MUC21: variants seen among roughly 807,000 people sequenced by gnomAD.
The protein encoded by MUC21 is mucin 21, cell surface associated, also known as mucin-21.
MUC21 carries 8 observed loss-of-function variants against 9.1 expected under a neutral mutation model. That is an observed-to-expected ratio of 0.88 (90% CI 0.52 to 1.59). MUC21 has a LOEUF of 1.59. Ranked by LOEUF, MUC21 falls within the 40% of genes most tolerant of loss-of-function variation. MUC21 has a pLI of 0.00. For synonymous variants in MUC21, 189 were observed against 275.2 expected (o/e 0.69, Z 3.10); for missense variants, 478 against 694.2 (o/e 0.69, Z 3.50).
intron 1 of MUC21, among the ~76,000 whole-genome samples, chr6:30,984,847 T>C (rs1762180828): frequency 6.6e-6 from 1 of 150,968 alleles, no homozygotes. Flanking sequence ...GGGTGGCTTA[T>C]GCCTGTAATC....
In MUC21 at chr6:30,986,864, C is replaced by T. The variant is rs1762327746; in HGVS notation, c.689C>T (p.Ser230Phe). The T allele has an allele frequency of 1.3e-6, 2 of 1,589,978 alleles. No individual in the cohort carries two copies. The highest frequency in any genetic ancestry group is 1.7e-5 in the Admixed American group (1 of 58,122). Reference sequence around the variant, plus strand: ...GCTGGCACAGCCACCAACTCTGAGTCCAGCACGACCTCCAGTGGGGCCAGC... The same window carrying T: ...GCTGGCACAGCCACCAACTCTGAGTTCAGCACGACCTCCAGTGGGGCCAGC... Reference protein sequence around the residue: ...NGAGTATNSESSTTSSGASTA... With the variant: ...NGAGTATNSEFSTTSSGASTA... Residue 230 changes from serine to phenylalanine, a missense_variant, in exon 2 of 3, where the codon TCC becomes TTC. Physicochemically the swap from Ser to Phe is radical, Grantham distance 155. Coordinates refer to ENST00000376296, the MANE Select transcript of MUC21 (RefSeq NM_001010909.5).
Position 30,987,427 on chromosome 6 carries a change from A to AAT in MUC21, c.1252_1253insAT (p.Ser418AsnfsTer26). The AAT allele has an allele frequency of 6.3e-7, 1 of 1,599,114 alleles. No homozygotes were observed. Among genetic ancestry groups the AAT allele is most frequent in the African/African-American group, 1.3e-5 (1 of 74,164 alleles). The stretch of plus-strand genomic sequence containing the variant: ...GTCCAGCACAGTGTCCAGTGGGGCC[A>AAT]GCACTGCCACCAATTCTGAGTCCAG... On this transcript the variant is annotated frameshift_variant, in exon 2 of 3. Transcript: ENST00000376296. LOFTEE classifies it high-confidence loss of function.
At chr6:30,986,008 G>T (rs1343688406) in intron 1 of MUC21, among the ~76,000 whole-genome samples, 2 of 152,034 alleles carry the variant, frequency 1.3e-5, no homozygotes, top group African/African-American at 2.4e-5. Flanking sequence ...CAGGTGATCC[G>T]CCCACCTTGG....
intron 1 of MUC21, among the ~76,000 whole-genome samples, chr6:30,985,952 A>G (rs1436554436): frequency 6.6e-6 from 1 of 152,048 alleles, no homozygotes; most frequent in East Asian, 1.9e-4. Flanking sequence ...TTTAGTAGAG[A>G]TGGGGTTTCT....
Position 30,986,912 on chromosome 6 carries a change from G to T in MUC21, c.737G>T (p.Ser246Ile). 1 of 1,566,718 alleles carries T rather than the reference G, an allele frequency of 6.4e-7. No homozygotes were observed. The highest frequency in any genetic ancestry group is 1.2e-5 in the South Asian group (1 of 86,898). ...AGCACAGCCACCAACTCTGAGTCCA[G>T]CACACCCTCCAGTGGGGCCGGCACA... ...GASTATNSES[S>I]TPSSGAGTAT... Residue 246 changes from serine (S) to isoleucine (I), a missense_variant, in exon 2 of 3, where the codon AGC becomes ATC. Ser to Ile is a moderately radical substitution (Grantham distance 142, BLOSUM62 -2). Coordinates refer to ENST00000376296, the MANE Select transcript of MUC21 (RefSeq NM_001010909.5).
Position 30,987,581 on chromosome 6 carries a change from C to G in MUC21, c.1406C>G (p.Ala469Gly), listed in dbSNP as rs754221075. The change falls in exon 2 of 3, where the codon GCG becomes GGG. Residue 469 changes from alanine to glycine, a missense_variant. Physicochemically the swap from Ala to Gly is moderately conservative, Grantham distance 60 (BLOSUM62 0). Transcript: ENST00000376296. Reference protein sequence around the residue: ...SHSASTAVSEAKPGGSLVPWE... With the variant: ...SHSASTAVSEGKPGGSLVPWE... ...AGTGCATCTACTGCAGTGAGTGAGGCGAAGCCTGGTGGGTCCCTGGTGCCG... is the reference window on the plus strand; with the variant it reads ...AGTGCATCTACTGCAGTGAGTGAGGGGAAGCCTGGTGGGTCCCTGGTGCCG... The G allele has an allele frequency of 6.2e-7, 1 of 1,614,238 alleles. No individual in the cohort carries two copies. The highest frequency in any genetic ancestry group is 1.1e-5 in the South Asian group (1 of 91,086).
Position 30,989,476 on chromosome 6 carries a change from G to T in MUC21, c.*1282G>T, listed in dbSNP as rs1300658590. On this transcript the variant is annotated 3_prime_UTR_variant, in exon 3 of 3. Coordinates refer to ENST00000376296, the MANE Select transcript of MUC21 (RefSeq NM_001010909.5). ...ACAGTTTCGTGTGCCACCATGCCTGGCTAATTTTTAGAATTTTTTGTAGGG... is the reference window on the plus strand; with the variant it reads ...ACAGTTTCGTGTGCCACCATGCCTGTCTAATTTTTAGAATTTTTTGTAGGG... 6.6e-6 allele frequency: 1 copy of T among 152,080 alleles called. No homozygotes were observed. The highest frequency in any genetic ancestry group is 1.5e-5 in the Non-Finnish European group (1 of 68,042). 9.4% of individuals were successfully genotyped at this position (152,080 alleles called of 1,614,324 possible).
Position 30,986,590 on chromosome 6 carries a change from G to A in MUC21, c.415G>A (p.Asp139Asn), listed in dbSNP as rs372906201. 1.3e-5 allele frequency: 21 copies of A among 1,574,516 alleles called. No individual in the cohort carries two copies. Among genetic ancestry groups the A allele is most frequent in the Non-Finnish European group, 1.6e-5 (19 of 1,158,110 alleles). The change falls in exon 2 of 3, where the codon GAC becomes AAC. Residue 139 changes from aspartate to asparagine, a missense_variant. Asp to Asn is a conservative substitution (Grantham distance 23). Around this residue, in one of 5 missense-constraint regions of MUC21, gnomAD observed 53 missense variants for 139.1 expected, o/e 0.38. Transcript: ENST00000376296. ...TGGGGCCAGCACAGCCACCAACTCT[G>A]ACTCCAGCACAACCTCCAGTGGGGC... Reference protein sequence around the residue: ...SSGASTATNSDSSTTSSGAST... With the variant: ...SSGASTATNSNSSTTSSGAST...
chr6:30,986,770 G>C lies in MUC21; in HGVS notation c.595G>C (p.Glu199Gln). The C allele has an allele frequency of 6.2e-7, 1 of 1,601,574 alleles. No homozygotes were observed. Among genetic ancestry groups the C allele is most frequent in the Non-Finnish European group, 8.5e-7 (1 of 1,173,482 alleles). The change falls in exon 2 of 3, where the codon GAG becomes CAG. Residue 199 changes from glutamate to glutamine, a missense_variant. Coordinates refer to ENST00000376296, the MANE Select transcript of MUC21 (RefSeq NM_001010909.5). ...TAGGGCCAGCACTGCCACCAACTCT[G>C]AGTCCAGCACAACCTCCAGTGGGGC... ...SSRASTATNS[E>Q]SSTTSSGAST... is the part of the protein sequence containing the mutation.
rs779975479 is a variant in MUC21 at position 30,987,242 on chromosome 6, G to A, written c.1067G>A (p.Gly356Glu). Residue 356 changes from glycine (G) to glutamate (E), a missense_variant, in exon 2 of 3, where the codon GGG (glycine) becomes GAG (glutamate). By Grantham distance (98) the Gly-to-Glu change is moderately conservative. This residue lies in a region of MUC21 where 155 missense variants were observed against 235.2 expected (regional missense o/e 0.66). Transcript: ENST00000376296. ...TNSESSTTSSGASTATNSGSS... is the reference protein window; with the variant it reads ...TNSESSTTSSEASTATNSGSS... ...TCTGAGTCCAGCACAACCTCCAGTGGGGCCAGCACAGCCACCAACTCTGGG... is the reference window on the plus strand; with the variant it reads ...TCTGAGTCCAGCACAACCTCCAGTGAGGCCAGCACAGCCACCAACTCTGGG... 4 of 1,587,654 alleles carry A rather than the reference G, an allele frequency of 2.5e-6. No individual in the cohort carries two copies. The highest frequency in any genetic ancestry group is 2.3e-5 in the East Asian group (1 of 43,718).
Position 30,988,791 on chromosome 6 carries a change from G to C in MUC21, c.*597G>C, listed in dbSNP as rs1159964717. The stretch of plus-strand genomic sequence containing the variant: ...ACTACCTGCTCTGTGTGTGGGGGGG[G>C]AGGGGGGAGGGGGGTACGCATATTC... On this transcript the variant is annotated 3_prime_UTR_variant, in exon 3 of 3. Coordinates refer to ENST00000376296, the MANE Select transcript of MUC21 (RefSeq NM_001010909.5). 1 of 137,744 alleles carries C rather than the reference G, an allele frequency of 7.3e-6. No individual in the cohort carries two copies. Among genetic ancestry groups the C allele is most frequent in the Non-Finnish European group, 1.6e-5 (1 of 63,756 alleles). The allele number at this position is 137,744 out of a possible 1,614,324, so 8.5% of individuals were successfully genotyped here. A position where few individuals can be genotyped will look rare whatever the true frequency, so the allele number is the denominator to read the frequency against.
rs2394435 is a variant in MUC21, at chr6:30,984,717, G to C, written c.61+698G>C. Among the ~76,000 whole-genome samples the C allele has an allele frequency of 2.2e-3, 333 of 152,086 alleles. 4 individuals carry two copies. Among genetic ancestry groups the C allele is most frequent in the Middle Eastern group, 0.01 (3 of 294 alleles). On this transcript the variant is annotated intron_variant, in intron 1 of 2. Transcript: ENST00000376296. ...AGGCCAGGCTCAGTGGCTCACGCCT[G>C]TAATCTCAGCACTTTGGGAGGCCAA...
At chr6:30,986,044 C>T (rs1293006178) in intron 1 of MUC21, among the ~76,000 whole-genome samples, 193 bp from the exon 2 acceptor site, 2 of 152,140 alleles carry the variant, frequency 1.3e-5, no homozygotes, top group Admixed American at 6.5e-5. Flanking sequence ...GGATTACAGG[C>T]GTGAGCCACC....
chr6:30,987,096 G>A lies in MUC21; in HGVS notation c.921G>A (p.Thr307=), dbSNP rs1625781. ...ANTATNSESS[T]TSSGANTATN... is the part of the protein sequence containing the mutation. ...CAGCCACCAACTCTGAGTCCAGTAC[G>A]ACCTCCAGTGGGGCCAACACAGCCA... Residue 307 remains threonine, a synonymous_variant, in exon 2 of 3, where the codon ACG becomes ACA. Transcript: ENST00000376296. 370,099 of 1,490,378 alleles carry A rather than the reference G, an allele frequency of 0.25. 51,809 individuals are homozygous for A. The highest frequency in any genetic ancestry group is 0.27 in the Non-Finnish European group (303,782 of 1,109,344). 92.3% of individuals were successfully genotyped at this position (1,490,378 alleles called of 1,614,324 possible).
chr6:30,988,140 G>A lies in MUC21; in HGVS notation c.1647G>A (p.Arg549=), dbSNP rs1301607742. The A allele has an allele frequency of 2.9e-5, 46 of 1,612,846 alleles. No individual in the cohort carries two copies. The highest frequency in any genetic ancestry group is 3.7e-5 in the Non-Finnish European group (44 of 1,180,044). Residue 549 remains arginine, a synonymous_variant, in exon 3 of 3, where the codon AGG becomes AGA. Coordinates refer to ENST00000376296, the MANE Select transcript of MUC21 (RefSeq NM_001010909.5). Reference sequence around the variant, plus strand: ...GGTGGAGTCCTAACTGGTTCTGGAGGAGACCAGTATCCTCGATAGCCATGG... The same window carrying A: ...GGTGGAGTCCTAACTGGTTCTGGAGAAGACCAGTATCCTCGATAGCCATGG... ...RPRWSPNWFW[R]RPVSSIAMEM...
chr6:30,983,962 A>G lies in MUC21; in HGVS notation c.4A>G (p.Lys2Glu), dbSNP rs143783304. The G allele has an allele frequency of 2.2e-4, 171 of 779,832 alleles. No individual in the cohort carries two copies. The African/African-American group carries it at 2.4e-3, about 11-fold the overall frequency. 48.3% of individuals were successfully genotyped at this position (779,832 alleles called of 1,614,324 possible). A position where few individuals can be genotyped will look rare whatever the true frequency, so the allele number is the denominator to read the frequency against. Residue 2 changes from lysine (K) to glutamate (E), a missense_variant, in exon 1 of 3, where the codon AAG becomes GAG. Transcript: ENST00000376296. ...CTTTCCAGCCACAAAGAGACAGATGAAGATGCAGAAAGGAAATGTTCTCCT... is the reference window on the plus strand; with the variant it reads ...CTTTCCAGCCACAAAGAGACAGATGGAGATGCAGAAAGGAAATGTTCTCCT... MKMQKGNVLLMF... is the reference protein window; with the variant it reads MEMQKGNVLLMF...
chr6:30,987,733 C>T, intron 2 of MUC21, 52 bp downstream of exon 2: 1 of 1,587,622 alleles, frequency 6.3e-7, no homozygotes, highest in Non-Finnish European at 8.5e-7. Context: ...AGCAGAAACA[C>T]AAGGAAATGG....
intron 1 of MUC21, among the ~76,000 whole-genome samples, chr6:30,985,075 C>T (rs1762193541): frequency 6.6e-6 from 1 of 151,604 alleles, no homozygotes; most frequent in African/African-American, 2.4e-5. Context: ...CAATTTCTCT[C>T]CTACCCCTAC....
Position 30,986,897 on chromosome 6 carries a change from C to T in MUC21, c.722C>T (p.Thr241Ile), listed in dbSNP as rs1230668396. 1.3e-6 allele frequency: 2 copies of T among 1,573,400 alleles called. No individual in the cohort carries two copies. The highest frequency in any genetic ancestry group is 1.7e-4 in the Middle Eastern group (1 of 5,894). The change falls in exon 2 of 3, where the codon ACC (threonine) becomes ATC (isoleucine). Residue 241 changes from threonine to isoleucine, a missense_variant. Thr to Ile is a moderately conservative substitution (Grantham distance 89). Coordinates refer to ENST00000376296, the MANE Select transcript of MUC21 (RefSeq NM_001010909.5). The part of the protein sequence containing the change: ...STTSSGASTA[T>I]NSESSTPSSG... ...ACCTCCAGTGGGGCCAGCACAGCCA[C>T]CAACTCTGAGTCCAGCACACCCTCC...
Sources: gnomAD v4.1 joint callset for allele counts (sites outside exome capture counted in the v4.1 genomes callset) on GRCh38, gnomAD v4.1.1 for gene constraint, gnomAD v4.1.1 regional missense constraint, MANE v1.5 for transcripts, NCBI Gene and HGNC (gene_info 2026-07-23, HGNC 2026-07-21) for gene names.